CADM2: variants seen among roughly 807,000 people sequenced by gnomAD.
The protein encoded by CADM2 is immunoglobulin superfamily member 4D.
In CADM2, 12 loss-of-function variants were observed where a neutral mutation model predicts 49.8. The ratio of observed to expected loss-of-function variants is 0.24; its 90% CI spans 0.15 to 0.39. The LOEUF (loss-of-function observed/expected upper bound fraction) is 0.39, where lower values mean the gene tolerates loss of function less well. CADM2 is among the 10% of genes least tolerant of loss of function. The probability of loss-of-function intolerance (pLI) is 1.00; values close to 1 mark genes in which losing one functional copy is unlikely to be tolerated. For missense variants in CADM2, 378 were observed against 492.3 expected (o/e 0.77, Z 2.20); for synonymous variants, 214 against 175.4 (o/e 1.22, Z -1.74).
At chr3:86,002,655 A>T (rs545993667) in intron 8 of CADM2, among the ~76,000 whole-genome samples, 2 of 152,208 alleles carry the variant, frequency 1.3e-5, no homozygotes, top group African/African-American at 2.4e-5. Context: ...ATTCTGATAC[A>T]TAGGTCTAAG....
intron 2 of CADM2, among the ~76,000 whole-genome samples, chr3:85,788,169 T>C (rs1489667280): frequency 6.6e-6 from 1 of 152,150 alleles, no homozygotes; most frequent in Non-Finnish European, 1.5e-5. Flanking sequence ...CCTGTTCTGG[T>C]ATAAAACATA....
In CADM2 at chr3:84,988,248, G is replaced by A. The variant is rs116936227; in HGVS notation, c.61+28580G>A. The stretch of plus-strand genomic sequence containing the variant: ...CATTTTTGTTAGATACCAGATCTTA[G>A]TATCCTTTTTCTTTGGCACTAGCTT... On this transcript the variant is annotated intron_variant, in intron 1 of 9. Transcript: ENST00000383699. Among the ~76,000 whole-genome samples, 81 of 152,322 alleles carry A rather than the reference G, an allele frequency of 5.3e-4. 1 individual carries two copies. In the East Asian group the frequency reaches 0.012, roughly 23 times the overall value.
At chr3:85,424,473 C>G (rs1324353648) in intron 1 of CADM2, among the ~76,000 whole-genome samples, 6 of 151,964 alleles carry the variant, frequency 3.9e-5, no homozygotes, top group East Asian at 1.9e-4. Flanking sequence ...TCTTAGTTGA[C>G]AAGTATTAGG....
At chr3:85,519,604 A>G (rs1410954844) in intron 1 of CADM2, among the ~76,000 whole-genome samples, 2 of 152,106 alleles carry the variant, frequency 1.3e-5, no homozygotes, top group African/African-American at 4.8e-5. Flanking sequence ...TGTCATTTTA[A>G]CCTGACTCAT....
chr3:86,039,828 C>A (rs1370412693), intron 8 of CADM2, among the ~76,000 whole-genome samples: 2 of 102,128 alleles, frequency 2.0e-5, no homozygotes, highest in Non-Finnish European at 4.2e-5. Flanking sequence ...TTGGGAGGCA[C>A]CCCCCAGTAG....
At chr3:85,833,710 C>T (rs2074283929) in intron 3 of CADM2, among the ~76,000 whole-genome samples, 1 of 151,486 alleles carries the variant, frequency 6.6e-6, no homozygotes, top group Admixed American at 6.6e-5. Flanking sequence ...TTCCAGGGGT[C>T]TACATGTCTG....
chr3:85,972,869 C>A (rs1726315244), intron 8 of CADM2, among the ~76,000 whole-genome samples: 1 of 151,634 alleles, frequency 6.6e-6, no homozygotes. Flanking sequence ...GTGGCATTTT[C>A]TAAAAAATCC....
chr3:85,966,649 T>A (rs1207207254), intron 8 of CADM2, among the ~76,000 whole-genome samples: 2 of 151,622 alleles, frequency 1.3e-5, no homozygotes, highest in Non-Finnish European at 3.0e-5. Flanking sequence ...ATCTCTATAA[T>A]TAGTATTATG....
At chr3:85,036,923 A>T (rs973958145) in intron 1 of CADM2, among the ~76,000 whole-genome samples, 5 of 148,400 alleles carry the variant, frequency 3.4e-5, no homozygotes, top group Non-Finnish European at 7.4e-5. Context: ...AGGCTGAGGC[A>T]GGTGGATCGC....
intron 1 of CADM2, among the ~76,000 whole-genome samples, 197 bp downstream of exon 1, chr3:84,959,865 T>A (rs981183964): frequency 3.3e-5 from 5 of 152,026 alleles, no homozygotes; most frequent in Non-Finnish European, 5.9e-5. Flanking sequence ...GGCTCAGCCC[T>A]GCCTTCCCAG....
At chr3:85,012,417 TA>T (rs1190325915) in intron 1 of CADM2, among the ~76,000 whole-genome samples, 2 of 148,254 alleles carry the variant, frequency 1.3e-5, no homozygotes, top group Non-Finnish European at 3.0e-5. Context: ...CAATTGTTCA[TA>T]TTTTTTTCAG....
intron 1 of CADM2, among the ~76,000 whole-genome samples, chr3:85,583,621 A>G (rs2062855674): frequency 6.6e-6 from 1 of 152,172 alleles, no homozygotes; most frequent in Admixed American, 6.6e-5. Flanking sequence ...GTTTATTTTT[A>G]AATACATTAT....
intron 1 of CADM2, among the ~76,000 whole-genome samples, chr3:85,356,099 A>G (rs2031832744): frequency 6.6e-6 from 1 of 152,112 alleles, no homozygotes; most frequent in South Asian, 2.1e-4. Context: ...CACAATTAGA[A>G]CAGATACTAT....
At chr3:85,467,618 AAAAC>A (rs1007404388) in intron 1 of CADM2, among the ~76,000 whole-genome samples, 2 of 152,022 alleles carry the variant, frequency 1.3e-5, no homozygotes, top group African/African-American at 4.8e-5. Flanking sequence ...AATTAAAAAA[AAAAC>A]ACTCTGTTAA....
intron 1 of CADM2, among the ~76,000 whole-genome samples, chr3:85,331,624 T>G (rs2044929666): frequency 6.6e-6 from 1 of 151,976 alleles, no homozygotes; most frequent in Admixed American, 6.6e-5. Flanking sequence ...TTTTCATCCT[T>G]TTGGGTACAG....
chr3:85,508,466 C>A (rs1004999849), intron 1 of CADM2, among the ~76,000 whole-genome samples: 3 of 152,108 alleles, frequency 2.0e-5, no homozygotes, highest in Non-Finnish European at 2.9e-5. Flanking sequence ...TTTAAAAAGG[C>A]AAACACTTTT....
intron 1 of CADM2, among the ~76,000 whole-genome samples, chr3:85,187,084 A>G (rs2041082972): frequency 1.3e-5 from 2 of 152,206 alleles, no homozygotes; most frequent in South Asian, 2.1e-4. Context: ...ACCAGTGTGT[A>G]TAGAATGTAC....
chr3:85,170,740 T>C (rs908370261), intron 1 of CADM2, among the ~76,000 whole-genome samples: 3 of 152,200 alleles, frequency 2.0e-5, no homozygotes, highest in African/African-American at 7.2e-5. Flanking sequence ...CTGACCCAAA[T>C]GTACTTTCAG....
intron 1 of CADM2, among the ~76,000 whole-genome samples, chr3:85,660,997 G>C (rs12487252): frequency 0.32 from 48,884 of 151,718 alleles, 8,726 homozygotes; most frequent in African/African-American, 0.48. Context: ...CAGAATGAAA[G>C]TTAAGGTGGT....
Sources: allele counts gnomAD v4.1 joint callset (sites outside exome capture counted in the v4.1 genomes callset), GRCh38; gene constraint gnomAD v4.1.1; transcripts MANE v1.5; gene names NCBI Gene and HGNC (gene_info 2026-07-23, HGNC 2026-07-21).